The following MSI2 variants were observed in gnomAD, a reference collection of about 807,000 sequenced individuals.
The protein encoded by MSI2 is musashi RNA binding protein 2.
MSI2 carries 17 observed loss-of-function variants against 45.6 expected under a neutral mutation model. That is an observed-to-expected ratio of 0.37 (90% CI 0.26 to 0.56). The LOEUF (loss-of-function observed/expected upper bound fraction) is 0.56, where lower values mean the gene tolerates loss of function less well. MSI2 is among the 20% of genes least tolerant of loss of function. The probability of loss-of-function intolerance (pLI) is 0.77; values close to 1 mark genes in which losing one functional copy is unlikely to be tolerated. For missense variants in MSI2, 293 were observed against 444.2 expected (o/e 0.66, Z 3.06); for synonymous variants, 156 against 158.2 (o/e 0.99, Z 0.11).
At chr17:57,389,979 T>C (rs187592712) in intron 5 of MSI2, among the ~76,000 whole-genome samples, 80 of 151,778 alleles carry the variant, frequency 5.3e-4, no homozygotes, top group African/African-American at 1.9e-3. Flanking sequence ...GGTTCACTCC[T>C]GTAATCCCAG....
the MSI2 span, among the ~76,000 whole-genome samples, chr17:57,697,262 C>T: frequency 6.6e-6 from 1 of 151,926 alleles, no homozygotes; most frequent in Non-Finnish European, 1.5e-5. Context: ...CTCACACACC[C>T]TCTGAGACTC....
chr17:57,296,131 T>TA (rs935211049), intron 5 of MSI2, among the ~76,000 whole-genome samples: 22 of 151,942 alleles, frequency 1.4e-4, no homozygotes, highest in African/African-American at 5.3e-4. Context: ...TTTCTTTTTT[T>TA]ATGCAAGATT....
At chr17:57,350,716 G>A (rs535686114) in intron 5 of MSI2, among the ~76,000 whole-genome samples, 4 of 152,258 alleles carry the variant, frequency 2.6e-5, no homozygotes, top group East Asian at 1.9e-4. Flanking sequence ...GTCTCTGAGC[G>A]CCTCCTGATC....
intron 6 of MSI2, among the ~76,000 whole-genome samples, chr17:57,471,277 C>CTTTTT (rs529448901): frequency 1.2e-5 from 1 of 83,712 alleles, no homozygotes; most frequent in African/African-American, 5.1e-5. Flanking sequence ...TTATGGAGCA[C>CTTTTT]TTTTTTTTTT....
chr17:57,354,475 A>G (rs1440016048), intron 5 of MSI2, among the ~76,000 whole-genome samples: 1 of 152,190 alleles, frequency 6.6e-6, no homozygotes, highest in African/African-American at 2.4e-5. Context: ...TCTAAGAGAG[A>G]TGATAAGTGA....
intron 6 of MSI2, among the ~76,000 whole-genome samples, chr17:57,486,184 C>T (rs186782589): frequency 6.6e-6 from 1 of 152,346 alleles, no homozygotes; most frequent in Admixed American, 6.5e-5. Context: ...GGAGGAACAT[C>T]ACAGGGTTAT....
chr17:57,627,181 T>A lies in MSI2; in HGVS notation c.653-48T>A. 2 of 1,549,818 alleles carry A rather than the reference T, an allele frequency of 1.3e-6. No individual in the cohort carries two copies. Among genetic ancestry groups the A allele is most frequent in the Non-Finnish European group, 1.8e-6 (2 of 1,121,514 alleles). ...CCTCCGTGAGATTTTACCCCAGACCTGAGGCGGCTGTACTAACAGGACTCT... is the reference window on the plus strand; with the variant it reads ...CCTCCGTGAGATTTTACCCCAGACCAGAGGCGGCTGTACTAACAGGACTCT... On this transcript the variant is annotated intron_variant, in intron 9 of 13. Coordinates refer to ENST00000284073, the MANE Select transcript of MSI2 (RefSeq NM_138962.4). The surrounding 1 kb of genome is among the most constrained non-coding windows in gnomAD (Gnocchi z 4.6).
chr17:57,392,159 C>T (rs77666726), intron 5 of MSI2, among the ~76,000 whole-genome samples: 2,236 of 152,318 alleles, frequency 0.015, 53 homozygotes, highest in African/African-American at 0.051. Context: ...CAAGGCAGCC[C>T]TCATCTCTCT....
intron 10 of MSI2, chr17:57,632,223 T>C: frequency 9.0e-7 from 1 of 1,105,054 alleles, no homozygotes; most frequent in South Asian, 3.9e-5. Flanking sequence ...GGGGTGAGCT[T>C]TGAAGTGCTG....
At chr17:57,283,265 G>A (rs1719282899) in intron 5 of MSI2, among the ~76,000 whole-genome samples, 1 of 152,100 alleles carries the variant, frequency 6.6e-6, no homozygotes, top group South Asian at 2.1e-4. Context: ...TGGAGTGAGT[G>A]CTGGGAAGTT....
At chr17:57,542,099 A>G (rs539612301) in intron 7 of MSI2, among the ~76,000 whole-genome samples, 2 of 152,222 alleles carry the variant, frequency 1.3e-5, no homozygotes, top group African/African-American at 4.8e-5. Flanking sequence ...ACACAGGAGC[A>G]ACAGTGGGCC....
intron 5 of MSI2, among the ~76,000 whole-genome samples, chr17:57,292,072 C>T (rs535087065): frequency 6.6e-6 from 1 of 151,690 alleles, no homozygotes; most frequent in Non-Finnish European, 1.5e-5. Context: ...GCGAGACCTG[C>T]GTGAAAATGC....
intron 5 of MSI2, among the ~76,000 whole-genome samples, chr17:57,286,557 C>T (rs941128962): frequency 1.3e-5 from 2 of 149,994 alleles, no homozygotes; most frequent in African/African-American, 2.5e-5. Context: ...AAGAGTTTGG[C>T]GTGCCCCTGT....
intron 7 of MSI2, among the ~76,000 whole-genome samples, chr17:57,590,018 C>G (rs545728488): frequency 6.6e-6 from 1 of 152,312 alleles, no homozygotes; most frequent in Non-Finnish European, 1.5e-5. Flanking sequence ...TCCCCAAATA[C>G]TAGGTTATTA....
intron 5 of MSI2, among the ~76,000 whole-genome samples, chr17:57,369,741 A>G (rs1331656812): frequency 3.3e-5 from 5 of 152,206 alleles, no homozygotes; most frequent in Admixed American, 3.3e-4. Context: ...TCCTGTGAGT[A>G]AAAGCTGTCA....
chr17:57,372,434 C>T (rs2083434399), intron 5 of MSI2, among the ~76,000 whole-genome samples: 1 of 152,134 alleles, frequency 6.6e-6, no homozygotes, highest in Non-Finnish European at 1.5e-5. Flanking sequence ...CTTTTTACCG[C>T]TTGGGTTTAC....
At chr17:57,608,543 C>G (rs1310158842) in intron 8 of MSI2, 1 of 152,536 alleles carries the variant, frequency 6.6e-6, no homozygotes, top group African/African-American at 2.4e-5. Context: ...ACAGCTCTCT[C>G]TCAGCAGTGC....
chr17:57,501,526 GC>G (rs977399247), intron 6 of MSI2, among the ~76,000 whole-genome samples: 4 of 152,222 alleles, frequency 2.6e-5, no homozygotes, highest in African/African-American at 4.8e-5. Context: ...CCTCCAGGCT[GC>G]CCCCACCCCA....
intron 5 of MSI2, among the ~76,000 whole-genome samples, chr17:57,288,294 C>T (rs1910103186): frequency 6.6e-6 from 1 of 152,212 alleles, no homozygotes; most frequent in Admixed American, 6.5e-5. Context: ...AGCCTGGACC[C>T]AGCTGTTGTC....
Sources: allele counts gnomAD v4.1 joint callset (sites outside exome capture counted in the v4.1 genomes callset), GRCh38; gene constraint gnomAD v4.1.1; non-coding constraint Gnocchi (gnomAD v3.1); transcripts MANE v1.5; gene names NCBI Gene and HGNC (gene_info 2026-07-23, HGNC 2026-07-21).